TNRC6B: variants seen among roughly 807,000 people sequenced by gnomAD.
TNRC6B encodes the protein trinucleotide repeat containing adaptor 6B, also known as trinucleotide repeat-containing gene 6B protein.
Under a neutral mutation model 203.6 loss-of-function variants are expected in TNRC6B, and 52 were observed. The observed-to-expected ratio is 0.26, with a 90% CI of 0.20 to 0.32. The LOEUF (loss-of-function observed/expected upper bound fraction) is 0.32, where lower values mean the gene tolerates loss of function less well. Ranked by LOEUF, TNRC6B falls within the 10% of genes least tolerant of loss-of-function variation. The pLI, the probability that TNRC6B is intolerant of heterozygous loss-of-function variation, is 1.00. For missense variants in TNRC6B, 1,923 were observed against 2,286.2 expected, an observed-to-expected ratio of 0.84 and a Z score of 3.24; for synonymous variants, 838 against 845.7, an observed-to-expected ratio of 0.99 and a Z score of 0.16.
chr22:40,306,692 AT>A (rs2071091210), intron 15 of TNRC6B, among the ~76,000 whole-genome samples: 1 of 152,146 alleles, frequency 6.6e-6, no homozygotes, highest in South Asian at 2.1e-4. Flanking sequence ...TTTAAAAAAA[AT>A]AAATAAATAA....
Position 40,321,536 on chromosome 22 carries a change from C to T in TNRC6B, c.5114+307C>T, listed in dbSNP as rs575957118. The stretch of plus-strand genomic sequence containing the variant: ...GGCACAGTGGCCCATGCCTGTAATC[C>T]CAGCACTTTGGGAGGCCAAGGCGGG... On this transcript the variant is annotated intron_variant, in intron 22 of 22. Transcript: ENST00000454349. 17 of 255,986 alleles carry T rather than the reference C, an allele frequency of 6.6e-5. 1 individual carries two copies. Among genetic ancestry groups the T allele is most frequent in the Middle Eastern group, 1.3e-3 (1 of 764 alleles). The allele number at this position is 255,986 out of a possible 1,614,324, so 15.9% of individuals were successfully genotyped here.
At chr22:40,087,188 A>G (rs1297433806) in intron 1 of TNRC6B, among the ~76,000 whole-genome samples, 2 of 152,222 alleles carry the variant, frequency 1.3e-5, no homozygotes, top group Admixed American at 6.5e-5. Flanking sequence ...AGAGATGGAA[A>G]TATATCATTA....
Position 40,323,008 on chromosome 22 carries a change from G to A in TNRC6B, c.5269G>A (p.Asp1757Asn). The change falls in exon 23 of 23, where the codon GAT (aspartate) becomes AAT (asparagine). Residue 1757 changes from aspartate (D) to asparagine (N), a missense_variant. Asp to Asn is a conservative substitution (Grantham distance 23). Coordinates refer to ENST00000454349, the MANE Select transcript of TNRC6B (RefSeq NM_001162501.2). ...GCTGGAGACCGGCCAGAACCAGTCA[G>A]ATCCCGTGGGACCTGCTCTGAATCT... The part of the protein sequence containing the change: ...QSLETGQNQS[D>N]PVGPALNLFG... 6.2e-7 allele frequency: 1 copy of A among 1,606,244 alleles called. No individual in the cohort carries two copies. The highest frequency in any genetic ancestry group is 8.5e-7 in the Non-Finnish European group (1 of 1,176,084).
intron 1 of TNRC6B, among the ~76,000 whole-genome samples, chr22:40,191,110 G>T (rs981459283): frequency 6.6e-6 from 1 of 152,156 alleles, no homozygotes; most frequent in African/African-American, 2.4e-5. Context: ...AAACATCTGA[G>T]CTGGGTCTTA....
At chr22:40,075,154 ATATTTTTTTT>A (rs1471070084) in intron 1 of TNRC6B, among the ~76,000 whole-genome samples, 1 of 55,396 alleles carries the variant, frequency 1.8e-5, no homozygotes, top group Admixed American at 2.2e-4. Context: ...ATATATATAT[ATATTTTTTTT>A]TTTTTTTTTT....
chr22:40,162,297 TGTTAGC>T (rs1386649164), intron 4 of TNRC6B, among the ~76,000 whole-genome samples: 1 of 152,160 alleles, frequency 6.6e-6, no homozygotes, highest in Non-Finnish European at 1.5e-5. Flanking sequence ...GGTTTCACCG[TGTTAGC>T]CAGGATGGTT....
Position 40,293,264 on chromosome 22 carries a change from C to A in TNRC6B, c.3709-7191C>A, listed in dbSNP as rs539382166. On this transcript the variant is annotated intron_variant, in intron 12 of 22. Transcript: ENST00000454349. ...AGGCTGGAATGCAGTGGCGTGATCGCAGCTTACTGCAACTCTGCCCCCGGG... is the reference window on the plus strand; with the variant it reads ...AGGCTGGAATGCAGTGGCGTGATCGAAGCTTACTGCAACTCTGCCCCCGGG... Among the ~76,000 whole-genome samples, 532 of 138,634 alleles carry A rather than the reference C, an allele frequency of 3.8e-3. 2 individuals carry two copies. Among genetic ancestry groups the A allele is most frequent in the Non-Finnish European group, 5.7e-3 (377 of 66,036 alleles). The allele number at this position is 138,634 out of a possible 152,430, so 90.9% of individuals were successfully genotyped here.
At position 40,141,417 on chromosome 22, in the gene TNRC6B, C is replaced by T. The variant is rs112875241; in HGVS notation, c.46-14698C>T. On this transcript the variant is annotated intron_variant, in intron 3 of 23. Transcript: ENST00000301923. Reference sequence around the variant, plus strand: ...GACCATGCTGCCCCCAGGCTGGTCTCGAACTCCTGACCTCAAGTGATTCCC... The same window carrying T: ...GACCATGCTGCCCCCAGGCTGGTCTTGAACTCCTGACCTCAAGTGATTCCC... 5.3e-4 allele frequency among the ~76,000 whole-genome samples: 81 copies of T among 151,984 alleles called. 2 individuals carry two copies. Among genetic ancestry groups the T allele is most frequent in the African/African-American group, 1.8e-3 (75 of 41,472 alleles).
At chr22:40,125,746 T>TA in intron 2 of TNRC6B, 2 of 1,549,282 alleles carry the variant, frequency 1.3e-6, no homozygotes, top group Non-Finnish European at 1.7e-6. Context: ...ATTCCTTACA[T>TA]ACTTTTTTCT....
chr22:40,167,769 T>C (rs1186660262), intron 4 of TNRC6B, among the ~76,000 whole-genome samples: 1 of 147,036 alleles, frequency 6.8e-6, no homozygotes, highest in African/African-American at 2.5e-5. Flanking sequence ...CCTAGCTACT[T>C]GGGAGGCTGA....
At position 40,301,347 on chromosome 22, in the gene TNRC6B, A is replaced by T; in HGVS notation, c.4120+14A>T. On this transcript the variant is annotated intron_variant, in intron 15 of 22. Transcript: ENST00000454349. Reference sequence around the variant, plus strand: ...GATATGGTTCTGGTAAGTTGTTGGTAGAGAAAATTACCTTTTTAGAAATCT... The same window carrying T: ...GATATGGTTCTGGTAAGTTGTTGGTTGAGAAAATTACCTTTTTAGAAATCT... 1 of 1,601,128 alleles carries T rather than the reference A, an allele frequency of 6.2e-7. No homozygotes were observed. The highest frequency in any genetic ancestry group is 1.3e-5 in the African/African-American group (1 of 74,890).
At chr22:40,087,035 G>T (rs2068106855) in intron 1 of TNRC6B, among the ~76,000 whole-genome samples, 3 of 152,120 alleles carry the variant, frequency 2.0e-5, no homozygotes, top group African/African-American at 7.2e-5. Context: ...GCATTTTTAG[G>T]AGGGCCTGGT....
intron 15 of TNRC6B, among the ~76,000 whole-genome samples, chr22:40,307,696 C>T (rs977894381): frequency 5.3e-5 from 8 of 152,046 alleles, no homozygotes; most frequent in Admixed American, 4.6e-4. Flanking sequence ...CTCGAACTAC[C>T]CACCTACTCA....
At chr22:40,209,403 C>T (rs955377579) in intron 1 of TNRC6B, among the ~76,000 whole-genome samples, 1 of 152,158 alleles carries the variant, frequency 6.6e-6, no homozygotes, top group Non-Finnish European at 1.5e-5. Context: ...CTTTATCTCA[C>T]CATAAGAACA....
chr22:40,257,884 G>A (rs938279127), intron 3 of TNRC6B, among the ~76,000 whole-genome samples: 5 of 150,908 alleles, frequency 3.3e-5, no homozygotes, highest in Admixed American at 1.3e-4. Context: ...TTAGTGAGGC[G>A]TGGTGGTGCA....
At chr22:40,245,185 G>A (rs2070089015) in intron 1 of TNRC6B, among the ~76,000 whole-genome samples, 1 of 152,040 alleles carries the variant, frequency 6.6e-6, no homozygotes, top group African/African-American at 2.4e-5. Context: ...CCTCTTCCCG[G>A]GTTCCAGTGA....
chr22:40,202,262 T>TTTTGTTTTTTTGTG (rs1331330850), intron 1 of TNRC6B, among the ~76,000 whole-genome samples: 23 of 116,040 alleles, frequency 2.0e-4, no homozygotes, highest in African/African-American at 6.4e-4. Flanking sequence ...GTTTTTTTGT[T>TTTTGTTTTTTTGTG]TTTTTTTTTT....
rs757254878 is a variant in TNRC6B, at chr22:40,265,510, C to A, written c.1280C>A (p.Ala427Glu). The stretch of plus-strand genomic sequence containing the variant: ...ACTGGGAGTGTTGGATCTTGGGGTG[C>A]AGCTAGGGGGCCTTCTGGAACTGAC... ...RKTGSVGSWG[A>E]ARGPSGTDTV... The change falls in exon 5 of 23, where the codon GCA becomes GAA. Residue 427 changes from alanine to glutamate, a missense_variant. Ala to Glu is a moderately radical substitution (Grantham distance 107, BLOSUM62 -1). Coordinates refer to ENST00000454349, the MANE Select transcript of TNRC6B (RefSeq NM_001162501.2). 6.2e-7 allele frequency: 1 copy of A among 1,613,818 alleles called. No homozygotes were observed. The highest frequency in any genetic ancestry group is 1.1e-5 in the South Asian group (1 of 91,066).
rs2071420699 is a variant in TNRC6B, at chr22:40,327,688, G to C, written c.*4447G>C. 6.6e-6 allele frequency: 1 copy of C among 152,236 alleles called. No individual in the cohort carries two copies. Among genetic ancestry groups the C allele is most frequent in the Admixed American group, 6.5e-5 (1 of 15,278 alleles). 9.4% of individuals were successfully genotyped at this position (152,236 alleles called of 1,614,324 possible). A position where few individuals can be genotyped will look rare whatever the true frequency, so the allele number is the denominator to read the frequency against. On this transcript the variant is annotated 3_prime_UTR_variant, in exon 23 of 23. Coordinates refer to ENST00000454349, the MANE Select transcript of TNRC6B (RefSeq NM_001162501.2). ...CGTGGTATTCTTTGGCAAGAGCCAT[G>C]TCTACTAAGAGGTTAGATGACTTCA...
Sources: allele counts gnomAD v4.1 joint callset (sites outside exome capture counted in the v4.1 genomes callset), GRCh38; gene constraint gnomAD v4.1.1; transcripts MANE v1.5; gene names NCBI Gene and HGNC (gene_info 2026-07-23, HGNC 2026-07-21).